Variants in ACBD6 observed in about 807,000 individuals in gnomAD.
The protein encoded by ACBD6 is acyl-CoA-binding domain-containing protein 6.
ACBD6 carries 28 observed loss-of-function variants against 37.2 expected under a neutral mutation model. The ratio of observed to expected loss-of-function variants is 0.75; its 90% CI spans 0.56 to 1.03. ACBD6 has a LOEUF of 1.03. Ranked by LOEUF, ACBD6 falls within the 50% of genes least tolerant of loss-of-function variation. ACBD6 has a pLI of 0.00. For synonymous variants in ACBD6, 113 were observed against 126.8 expected (o/e 0.89, Z 0.73); for missense variants, 340 against 337.4 (o/e 1.01, Z -0.06).
At chr1:180,418,405 C>T (rs1648190306) in intron 4 of ACBD6, among the ~76,000 whole-genome samples, 1 of 152,008 alleles carries the variant, frequency 6.6e-6, no homozygotes, top group Admixed American at 6.6e-5. Context: ...CAGCAAGACC[C>T]TACCTCTACA....
intron 10 of ACBD6, chr1:180,274,601 C>T (rs752621836): frequency 3.9e-6 from 6 of 1,539,654 alleles, no homozygotes; most frequent in African/African-American, 1.4e-5. Flanking sequence ...CCCCACCCTA[C>T]CTGCCCCCCT....
At chr1:180,293,294 ATTTTT>A (rs58030337) in intron 7 of ACBD6, among the ~76,000 whole-genome samples, 5 of 109,740 alleles carry the variant, frequency 4.6e-5, no homozygotes, top group South Asian at 3.2e-4. Flanking sequence ...TGTGTGTAGA[ATTTTT>A]TTTTTTTTTT....
chr1:180,385,615 C>T (rs1325369164), intron 6 of ACBD6, among the ~76,000 whole-genome samples: 1 of 151,754 alleles, frequency 6.6e-6, no homozygotes, highest in African/African-American at 2.4e-5. Context: ...GGGCTGGTTC[C>T]CTTACAAGAA....
At chr1:180,364,126 T>C (rs968839495) in intron 6 of ACBD6, among the ~76,000 whole-genome samples, 2 of 152,244 alleles carry the variant, frequency 1.3e-5, no homozygotes, top group African/African-American at 4.8e-5. Flanking sequence ...AAAGAAACTC[T>C]ATAACTTGTC....
chr1:180,471,329 G>A (rs2102057342), intron 3 of ACBD6, among the ~76,000 whole-genome samples: 1 of 151,164 alleles, frequency 6.6e-6, no homozygotes, highest in South Asian at 2.1e-4. Flanking sequence ...TGAGACTGGA[G>A]AGGTCAAGGC....
At chr1:180,446,944 A>G (rs10913995) in intron 3 of ACBD6, among the ~76,000 whole-genome samples, 16,325 of 152,050 alleles carry the variant, frequency 0.11, 1,285 homozygotes, top group African/African-American at 0.21. Context: ...GGGAGGCTGA[A>G]GCAGGAGTAT....
At chr1:180,316,692 T>A (rs1302992200) in intron 6 of ACBD6, among the ~76,000 whole-genome samples, 1 of 152,160 alleles carries the variant, frequency 6.6e-6, no homozygotes, top group African/African-American at 2.4e-5. Flanking sequence ...TAAATCTATA[T>A]CTCTACCTCA....
chr1:180,390,479 G>A (rs1654032263), intron 6 of ACBD6, among the ~76,000 whole-genome samples: 1 of 152,074 alleles, frequency 6.6e-6, no homozygotes, highest in Non-Finnish European at 1.5e-5. Flanking sequence ...TTGACTTGGA[G>A]ATGCAGGCTC....
chr1:180,288,656 G>A, intron 7 of ACBD6, 139 bp from the exon 8 acceptor site: 2 of 1,073,480 alleles, frequency 1.9e-6, no homozygotes, highest in Non-Finnish European at 2.8e-6. Flanking sequence ...AGGATGGTCA[G>A]GCCTGGTAAT....
intron 6 of ACBD6, among the ~76,000 whole-genome samples, chr1:180,323,013 T>C (rs1651131161): frequency 6.6e-6 from 1 of 151,916 alleles, no homozygotes; most frequent in African/African-American, 2.4e-5. Context: ...ACTTCTCTCT[T>C]GGTACTGCTT....
At chr1:180,338,908 C>T (rs1054008289) in intron 6 of ACBD6, among the ~76,000 whole-genome samples, 1 of 152,200 alleles carries the variant, frequency 6.6e-6, no homozygotes, top group African/African-American at 2.4e-5. Flanking sequence ...GACATTTATG[C>T]AGCCAAAAGA....
intron 7 of ACBD6, among the ~76,000 whole-genome samples, chr1:180,306,139 C>T (rs985143755): frequency 6.6e-6 from 1 of 151,060 alleles, no homozygotes; most frequent in Non-Finnish European, 1.5e-5. Flanking sequence ...AGGAGATATA[C>T]CTAATGTTAA....
At chr1:180,404,936 CAT>C (rs1433158322) in intron 5 of ACBD6, among the ~76,000 whole-genome samples, 1 of 152,190 alleles carries the variant, frequency 6.6e-6, no homozygotes, top group Non-Finnish European at 1.5e-5. Flanking sequence ...TGATGCAACA[CAT>C]GACCATAGAC....
exon 12 of ACBD6, chr1:180,273,392 T>C (rs1324365301): frequency 6.6e-6 from 1 of 152,312 alleles, no homozygotes; most frequent in African/African-American, 2.4e-5. Flanking sequence ...GCTGTTGAAG[T>C]CAACACCTAG....
chr1:180,271,551 C>T, exon 14 of ACBD6: 1 of 1,613,778 alleles, frequency 6.2e-7, no homozygotes, highest in Non-Finnish European at 8.5e-7. Context: ...TGCCAGCACT[C>T]CTGTGCCCTC....
intron 7 of ACBD6, among the ~76,000 whole-genome samples, chr1:180,306,558 C>T (rs1650385534): frequency 6.6e-6 from 1 of 152,096 alleles, no homozygotes; most frequent in African/African-American, 2.4e-5. Flanking sequence ...TAAATGGAAA[C>T]CATACTGTAT....
intron 7 of ACBD6, among the ~76,000 whole-genome samples, chr1:180,312,944 C>T (rs1251908949): frequency 5.3e-5 from 8 of 152,134 alleles, no homozygotes; most frequent in African/African-American, 7.2e-5. Context: ...GTCTGGCTTA[C>T]GAGCAGGCTT....
At chr1:180,307,932 G>A (rs1650446964) in intron 7 of ACBD6, among the ~76,000 whole-genome samples, 1 of 152,206 alleles carries the variant, frequency 6.6e-6, no homozygotes, top group South Asian at 2.1e-4. Flanking sequence ...TCCAGCCTGG[G>A]TGACAGAGCG....
At chr1:180,370,426 T>G (rs1197114000) in intron 6 of ACBD6, among the ~76,000 whole-genome samples, 1 of 152,182 alleles carries the variant, frequency 6.6e-6, no homozygotes, top group East Asian at 1.9e-4. Context: ...TAATACTGTA[T>G]GTCAAACATT....
Sources: gnomAD v4.1 joint callset for allele counts (sites outside exome capture counted in the v4.1 genomes callset) on GRCh38, gnomAD v4.1.1 for gene constraint, MANE v1.5 for transcripts, NCBI Gene and HGNC (gene_info 2026-07-23, HGNC 2026-07-21) for gene names.